RASSF8: variants seen among roughly 807,000 people sequenced by gnomAD.
RASSF8 encodes the protein ras association domain-containing protein 8.
A neutral mutation model predicts 48.5 loss-of-function variants in RASSF8; 22 were observed. The ratio of observed to expected loss-of-function variants is 0.45; its 90% CI spans 0.32 to 0.65. The LOEUF (loss-of-function observed/expected upper bound fraction) is 0.65, where lower values mean the gene tolerates loss of function less well. RASSF8 is among the 30% of genes least tolerant of loss of function. The pLI, the probability that RASSF8 is intolerant of heterozygous loss-of-function variation, is 0.03. For missense variants in RASSF8, 418 were observed against 489.2 expected (o/e 0.85, Z 1.37); for synonymous variants, 127 against 171.5 (o/e 0.74, Z 2.03).
intron 3 of RASSF8, among the ~76,000 whole-genome samples, chr12:26,056,608 C>A (rs1943608684): frequency 6.6e-6 from 1 of 152,218 alleles, no homozygotes; most frequent in Non-Finnish European, 1.5e-5. Context: ...ATGATTGTGC[C>A]ACCTGTGATG....
At chr12:26,003,204 G>A (rs1942303326) in intron 2 of RASSF8, among the ~76,000 whole-genome samples, 1 of 152,124 alleles carries the variant, frequency 6.6e-6, no homozygotes, top group South Asian at 2.1e-4. Flanking sequence ...TGTGTCTATT[G>A]AGATGATCAT....
chr12:26,009,108 A>C (rs762378667), intron 2 of RASSF8, among the ~76,000 whole-genome samples: 1 of 152,238 alleles, frequency 6.6e-6, no homozygotes, highest in Non-Finnish European at 1.5e-5. Flanking sequence ...GCTGCCAGCT[A>C]TCATAACACC....
At chr12:26,006,952 C>G (rs753318539) in intron 2 of RASSF8, among the ~76,000 whole-genome samples, 1 of 152,168 alleles carries the variant, frequency 6.6e-6, no homozygotes, top group Non-Finnish European at 1.5e-5. Flanking sequence ...GCTTACAATT[C>G]TGATGTCTCA....
At chr12:26,049,553 G>A (rs117030691) in intron 2 of RASSF8, among the ~76,000 whole-genome samples, 2 of 152,256 alleles carry the variant, frequency 1.3e-5, no homozygotes, top group South Asian at 2.1e-4. Context: ...TTTATGCACC[G>A]TTGATTAACC....
rs138755882 is a variant in RASSF8 at position 25,992,251 on chromosome 12, A to G, written c.-202-2786A>G. The stretch of plus-strand genomic sequence containing the variant: ...CAATGTGAATGCAGGTGTCAGTGCA[A>G]AGTGTCTCTGCCCTCAAGAAGAGGC... On this transcript the variant is annotated intron_variant, in intron 1 of 5. Transcript: ENST00000689635. Among the ~76,000 whole-genome samples the G allele has an allele frequency of 2.4e-3, 368 of 152,308 alleles. 3 individuals are homozygous for G. The highest frequency in any genetic ancestry group is 8.3e-3 in the African/African-American group (347 of 41,568).
chr12:26,028,656 G>T (rs1942965958), intron 2 of RASSF8, among the ~76,000 whole-genome samples: 1 of 152,158 alleles, frequency 6.6e-6, no homozygotes, highest in Admixed American at 6.5e-5. Flanking sequence ...AACAAAAGAG[G>T]TTGAAACTTT....
At chr12:25,987,726 T>C (rs1441237019) in intron 1 of RASSF8, among the ~76,000 whole-genome samples, 1 of 152,240 alleles carries the variant, frequency 6.6e-6, no homozygotes, top group Non-Finnish European at 1.5e-5. Flanking sequence ...TATCCAACAG[T>C]AGAATATTAT....
At chr12:25,985,149 C>G (rs1165302316) in intron 1 of RASSF8, among the ~76,000 whole-genome samples, 1 of 152,170 alleles carries the variant, frequency 6.6e-6, no homozygotes, top group Non-Finnish European at 1.5e-5. Flanking sequence ...GGTTATTGCA[C>G]TTTTTGCCGC....
chr12:25,962,237 C>T (rs901315286), intron 1 of RASSF8, among the ~76,000 whole-genome samples: 1 of 152,166 alleles, frequency 6.6e-6, no homozygotes, highest in Admixed American at 6.5e-5. Flanking sequence ...AGACTAGCCT[C>T]AGGCCTGTGG....
chr12:26,030,758 A>G (rs553922474), intron 2 of RASSF8, among the ~76,000 whole-genome samples: 1 of 152,118 alleles, frequency 6.6e-6, no homozygotes, highest in South Asian at 2.1e-4. Context: ...CAAAGTTAGG[A>G]CTTAAAAAGT....
intron 3 of RASSF8, among the ~76,000 whole-genome samples, chr12:26,062,375 C>T (rs1270346180): frequency 6.6e-6 from 1 of 152,232 alleles, no homozygotes; most frequent in Admixed American, 6.5e-5. Flanking sequence ...TTTCATCCCC[C>T]TTATTAGCCT....
In RASSF8 at chr12:25,967,861, A is replaced by G. The variant is rs566009430; in HGVS notation, c.-203+8713A>G. ...ATCCAGGCAAGTAGCTCTGAAGAGA[A>G]CTGGAGTTAGAGACAACCCTGTCTG... On this transcript the variant is annotated intron_variant, in intron 1 of 5. Transcript: ENST00000689635. 9.2e-5 allele frequency among the ~76,000 whole-genome samples: 14 copies of G among 152,342 alleles called. No homozygotes were observed. The South Asian group carries it at 1.0e-3, about 11-fold the overall frequency.
chr12:26,024,049 G>T (rs924678412), intron 2 of RASSF8, among the ~76,000 whole-genome samples: 1 of 152,158 alleles, frequency 6.6e-6, no homozygotes, highest in East Asian at 1.9e-4. Context: ...AAGTGTAATG[G>T]CTTATTTTGG....
At chr12:26,030,822 T>C (rs1943015185) in intron 2 of RASSF8, among the ~76,000 whole-genome samples, 1 of 152,112 alleles carries the variant, frequency 6.6e-6, no homozygotes, top group Non-Finnish European at 1.5e-5. Flanking sequence ...GCTAGGTAAA[T>C]AAATATTTTA....
chr12:26,079,518 G>A (rs576519987), exon 6 of RASSF8: 132 of 152,082 alleles, frequency 8.7e-4, no homozygotes, highest in Non-Finnish European at 1.4e-3. Context: ...TTGAACCCGG[G>A]AGGTGGAGGT....
intron 1 of RASSF8, among the ~76,000 whole-genome samples, chr12:25,988,760 G>T (rs1034590333): frequency 6.6e-6 from 1 of 152,106 alleles, no homozygotes; most frequent in African/African-American, 2.4e-5. Context: ...CCTGTGCTAG[G>T]TGGTGGGACC....
chr12:26,041,414 C>T (rs773969758), intron 2 of RASSF8, among the ~76,000 whole-genome samples: 1 of 152,060 alleles, frequency 6.6e-6, no homozygotes, highest in Non-Finnish European at 1.5e-5. Flanking sequence ...TTTAGGTAAT[C>T]AGAAATGCAT....
In RASSF8 at chr12:26,064,622, T is replaced by C. The variant is rs367989128; in HGVS notation, c.228T>C (p.Ile76=). ...WGQYASDVQL[I]LRRTGPSLSE... is the part of the protein sequence containing the mutation. ...AGTATGCTAGTGATGTGCAGCTCATTCTACGACGAACTGGGCCGTCTCTCA... is the reference window on the plus strand; with the variant it reads ...AGTATGCTAGTGATGTGCAGCTCATCCTACGACGAACTGGGCCGTCTCTCA... The change falls in exon 4 of 6, where the codon ATT becomes ATC. Residue 76 remains isoleucine (I), a synonymous_variant. Transcript: ENST00000689635. The C allele has an allele frequency of 1.4e-5, 22 of 1,614,178 alleles. No individual in the cohort carries two copies. The African/African-American group carries it at 2.5e-4, about 19-fold the overall frequency.
chr12:25,985,817 TAGG>T (rs935425326), intron 1 of RASSF8, among the ~76,000 whole-genome samples: 11 of 152,248 alleles, frequency 7.2e-5, no homozygotes, highest in African/African-American at 2.6e-4. Flanking sequence ...GTGGTGTGGT[TAGG>T]AGCACAGATT....
Sources: gnomAD v4.1 joint callset for allele counts (sites outside exome capture counted in the v4.1 genomes callset) on GRCh38, gnomAD v4.1.1 for gene constraint, MANE v1.5 for transcripts, NCBI Gene and HGNC (gene_info 2026-07-23, HGNC 2026-07-21) for gene names.